The following AHCYL2 variants were observed in gnomAD, a reference collection of about 807,000 sequenced individuals.
AHCYL2 encodes the protein S-adenosylhomocysteine hydrolase-like protein 2.
A neutral mutation model predicts 81.4 loss-of-function variants in AHCYL2; 28 were observed. The observed-to-expected ratio is 0.34, with a 90% CI of 0.25 to 0.47. AHCYL2 has a LOEUF of 0.47. Ranked by LOEUF, AHCYL2 falls within the 20% of genes least tolerant of loss-of-function variation. AHCYL2 has a pLI of 1.00. For missense variants in AHCYL2, 551 were observed against 785.1 expected (o/e 0.70, Z 3.56); for synonymous variants, 272 against 290.2 (o/e 0.94, Z 0.64).
chr7:129,368,300 G>T lies in AHCYL2; in HGVS notation c.364-11338G>T. ...GAAGGCTTTGAAGCCGGCCAGTAAG[G>T]GGTTGTCAGGCAGTTGACTAATGCT... On this transcript the variant is annotated intron_variant, in intron 1 of 16. Coordinates refer to ENST00000325006, the MANE Select transcript of AHCYL2 (RefSeq NM_015328.4). This position sits in a 1 kb window ranked among gnomAD's most constrained non-coding sequence, Gnocchi z 4.4. 1 of 1,429,598 alleles carries T rather than the reference G, an allele frequency of 7.0e-7. No individual in the cohort carries two copies. The highest frequency in any genetic ancestry group is 9.2e-7 in the Non-Finnish European group (1 of 1,092,204). 88.6% of individuals were successfully genotyped at this position (1,429,598 alleles called of 1,614,324 possible). A position where few individuals can be genotyped will look rare whatever the true frequency, so the allele number is the denominator to read the frequency against.
chr7:129,342,589 A>G (rs1389710337), intron 1 of AHCYL2, among the ~76,000 whole-genome samples: 1 of 152,198 alleles, frequency 6.6e-6, no homozygotes, highest in Non-Finnish European at 1.5e-5. Flanking sequence ...GGTTAATTAT[A>G]ATCAACTGTT....
At chr7:129,236,987 A>G (rs561502757) in intron 1 of AHCYL2, among the ~76,000 whole-genome samples, 1 of 151,786 alleles carries the variant, frequency 6.6e-6, no homozygotes, top group African/African-American at 2.4e-5. Context: ...TTTTTTTTTC[A>G]TGTTGGTTTT....
In AHCYL2 at chr7:129,426,561, C is replaced by T; in HGVS notation, c.1827C>T (p.Tyr609=). 1 of 1,613,406 alleles carries T rather than the reference C, an allele frequency of 6.2e-7. No homozygotes were observed. Among genetic ancestry groups the T allele is most frequent in the South Asian group, 1.1e-5 (1 of 90,966 alleles). Reference sequence around the variant, plus strand: ...ATGGGCCCTTCAAGCCTAATTACTACAGGTGCCTTGGGCTCCCCAGAAATC... The same window carrying T: ...ATGGGCCCTTCAAGCCTAATTACTATAGGTGCCTTGGGCTCCCCAGAAATC... ...NKNGPFKPNY[Y]RY The change falls in exon 16 of 17, where the codon TAC becomes TAT. Residue 609 remains tyrosine, a splice_region_variant and synonymous_variant. Coordinates refer to ENST00000325006, the MANE Select transcript of AHCYL2 (RefSeq NM_015328.4). This position sits in a 1 kb window ranked among gnomAD's most constrained non-coding sequence, Gnocchi z 4.3.
intron 1 of AHCYL2, among the ~76,000 whole-genome samples, chr7:129,340,639 C>T (rs1258525395): frequency 6.6e-6 from 1 of 151,344 alleles, no homozygotes; most frequent in Non-Finnish European, 1.5e-5. Context: ...TTAACTTCCT[C>T]TTCCAATTCT....
In AHCYL2 at chr7:129,429,929, G is replaced by A. The variant is rs1327522301; in HGVS notation, c.*2884G>A. 1 of 152,250 alleles carries A rather than the reference G, an allele frequency of 6.6e-6. No individual in the cohort carries two copies. Among genetic ancestry groups the A allele is most frequent in the African/African-American group, 2.4e-5 (1 of 41,302 alleles). 9.4% of individuals were successfully genotyped at this position (152,250 alleles called of 1,614,324 possible). A position where few individuals can be genotyped will look rare whatever the true frequency, so the allele number is the denominator to read the frequency against. On this transcript the variant is annotated 3_prime_UTR_variant, in exon 17 of 17. Transcript: ENST00000325006. ...TAAAAAGGAATCAAAATGCATTGTT[G>A]CATTAAGCTTTTTCAATAAAGGAAA...
chr7:129,427,168 T>G lies in AHCYL2; in HGVS notation c.*123T>G, dbSNP rs1797401418. ...AAAGCTGCCTGCCGTGCTCACCCTG[T>G]GTGTTAGGTTATTTATTTATTAAAA... is the stretch of plus-strand genomic sequence containing the variant. On this transcript the variant is annotated 3_prime_UTR_variant, in exon 17 of 17. Coordinates refer to ENST00000325006, the MANE Select transcript of AHCYL2 (RefSeq NM_015328.4). This position sits in a 1 kb window ranked among gnomAD's most constrained non-coding sequence, Gnocchi z 5.5. The G allele has an allele frequency of 2.1e-6, 2 of 972,886 alleles. No homozygotes were observed. Among genetic ancestry groups the G allele is most frequent in the Non-Finnish European group, 1.6e-6 (1 of 639,464 alleles). The allele number at this position is 972,886 out of a possible 1,614,324, so 60.3% of individuals were successfully genotyped here.
At chr7:129,274,078 G>A (rs1796111365) in intron 1 of AHCYL2, among the ~76,000 whole-genome samples, 1 of 152,168 alleles carries the variant, frequency 6.6e-6, no homozygotes, top group African/African-American at 2.4e-5. Flanking sequence ...GGACTTGGCT[G>A]TAATAGAGGA....
chr7:129,283,499 C>T (rs184685893), intron 1 of AHCYL2: 58 of 451,432 alleles, frequency 1.3e-4, no homozygotes, highest in African/African-American at 1.0e-3. Context: ...TTCTTATGTG[C>T]TTGAAATGTT....
At chr7:129,407,016 C>T (rs1445887412) in intron 10 of AHCYL2, among the ~76,000 whole-genome samples, 1 of 152,154 alleles carries the variant, frequency 6.6e-6, no homozygotes, top group Non-Finnish European at 1.5e-5. Flanking sequence ...TGTGTGTAAT[C>T]ATACCTACCT....
At chr7:129,318,653 T>A (rs1465088923) in intron 1 of AHCYL2, among the ~76,000 whole-genome samples, 2 of 152,114 alleles carry the variant, frequency 1.3e-5, no homozygotes, top group Admixed American at 1.3e-4. Context: ...TCCAAATGGA[T>A]CAAATATTAA....
At chr7:129,351,858 A>G (rs1793576289) in intron 1 of AHCYL2, among the ~76,000 whole-genome samples, 2 of 152,190 alleles carry the variant, frequency 1.3e-5, no homozygotes, top group African/African-American at 2.4e-5. Context: ...TGCCTTTTCT[A>G]TGGTGTTGAC....
At chr7:129,350,956 G>A (rs1464309639) in intron 1 of AHCYL2, among the ~76,000 whole-genome samples, 5 of 151,842 alleles carry the variant, frequency 3.3e-5, no homozygotes, top group South Asian at 2.1e-4. Flanking sequence ...CACCCTCCTC[G>A]GCCTCCCAAA....
chr7:129,277,352 A>G (rs1206181647), intron 1 of AHCYL2, among the ~76,000 whole-genome samples: 3 of 147,174 alleles, frequency 2.0e-5, no homozygotes, highest in Non-Finnish European at 4.4e-5. Context: ...ACCTTAGCTC[A>G]CTGCAACCTC....
At chr7:129,422,362 C>T (rs186395714) in intron 12 of AHCYL2, among the ~76,000 whole-genome samples, 27 of 152,282 alleles carry the variant, frequency 1.8e-4, no homozygotes, top group Non-Finnish European at 3.1e-4. Context: ...GACATTTGGC[C>T]TCTTACTAAA....
chr7:129,316,741 G>C (rs1048500338), intron 1 of AHCYL2, among the ~76,000 whole-genome samples: 2 of 152,184 alleles, frequency 1.3e-5, no homozygotes, highest in Non-Finnish European at 2.9e-5. Context: ...GTGTGTTTCA[G>C]TAGTTTAGAA....
rs553741465 is a variant in AHCYL2, at chr7:129,364,743, A to T, written c.364-14895A>T. Among the ~76,000 whole-genome samples, 4 of 152,324 alleles carry T rather than the reference A, an allele frequency of 2.6e-5. No homozygotes were observed. The South Asian group carries it at 8.3e-4, about 32-fold the overall frequency. ...CTTTTGGCCTTAATTTGTTCCTAAA[A>T]GTTTCATTATAATGCAGATCAAAAT... On this transcript the variant is annotated intron_variant, in intron 1 of 16. Coordinates refer to ENST00000325006, the MANE Select transcript of AHCYL2 (RefSeq NM_015328.4).
At chr7:129,291,748 C>A (rs1418468264) in intron 1 of AHCYL2, among the ~76,000 whole-genome samples, 1 of 151,630 alleles carries the variant, frequency 6.6e-6, no homozygotes, top group East Asian at 1.9e-4. Context: ...ACTACAGGCA[C>A]CCGCCACCAT....
intron 1 of AHCYL2, among the ~76,000 whole-genome samples, chr7:129,367,071 A>G (rs116211880): frequency 0.014 from 2,070 of 152,320 alleles, 61 homozygotes; most frequent in African/African-American, 0.047. Context: ...AAAGTAGGCA[A>G]TCAGATGTGC....
intron 1 of AHCYL2, chr7:129,375,670 G>A (rs1000676): frequency 0.35 from 478,802 of 1,380,136 alleles, 87,618 homozygotes; most frequent in East Asian, 0.59. Context: ...TAACAGAAAT[G>A]CCTTATTAAA....
Sources: allele counts gnomAD v4.1 joint callset (sites outside exome capture counted in the v4.1 genomes callset), GRCh38; gene constraint gnomAD v4.1.1; non-coding constraint Gnocchi (gnomAD v3.1); transcripts MANE v1.5; gene names NCBI Gene and HGNC (gene_info 2026-07-23, HGNC 2026-07-21).